The following CEP192 variants were observed in gnomAD, a reference collection of about 807,000 sequenced individuals.
CEP192 encodes the protein centrosomal protein of 192 kDa.
CEP192 carries 151 observed loss-of-function variants against 271.8 expected under a neutral mutation model. The ratio of observed to expected loss-of-function variants is 0.56; its 90% CI spans 0.49 to 0.64. CEP192 has a LOEUF of 0.64. CEP192 is among the 30% of genes least tolerant of loss of function. CEP192 has a pLI of 0.00. For synonymous variants in CEP192, 995 were observed against 1,076.5 expected, an observed-to-expected ratio of 0.92 and a Z score of 1.48; for missense variants, 2,910 against 3,020.5, an observed-to-expected ratio of 0.96 and a Z score of 0.86.
At chr18:13,011,762 AATCC>A (rs1473907265) in intron 4 of CEP192, among the ~76,000 whole-genome samples, 11 of 152,168 alleles carry the variant, frequency 7.2e-5, no homozygotes, top group Admixed American at 7.2e-4. Flanking sequence ...GATCTCAAGT[AATCC>A]ATCCACCTGC....
chr18:13,084,647 C>T (rs1021905224), intron 30 of CEP192, among the ~76,000 whole-genome samples: 21 of 152,138 alleles, frequency 1.4e-4, no homozygotes, highest in Non-Finnish European at 2.8e-4. Flanking sequence ...TCCAACCAGT[C>T]CCAGTGAGAT....
intron 1 of CEP192, among the ~76,000 whole-genome samples, chr18:12,994,582 G>T (rs1224435201): frequency 6.6e-6 from 1 of 152,118 alleles, no homozygotes; most frequent in Admixed American, 6.5e-5. Flanking sequence ...CTTTTCAGTA[G>T]GGTAAGGTGG....
intron 28 of CEP192, 150 bp from the exon 29 acceptor site, chr18:13,072,605 G>A (rs1006520143): frequency 4.0e-5 from 26 of 645,242 alleles, no homozygotes; most frequent in Non-Finnish European, 7.3e-5. Flanking sequence ...TAGAGCCTAG[G>A]ACTGTGGGGA....
intron 8 of CEP192, 79 bp downstream of exon 8, chr18:13,018,694 G>A: frequency 9.6e-7 from 1 of 1,047,022 alleles, no homozygotes; most frequent in Non-Finnish European, 1.3e-6. Flanking sequence ...ATATTTCTCT[G>A]GTATGATTTA....
chr18:13,103,410 G>T (rs1348683424), intron 38 of CEP192, 99 bp from the exon 39 acceptor site: 30 of 870,158 alleles, frequency 3.4e-5, no homozygotes, highest in Non-Finnish European at 4.8e-5. Context: ...AATGATTGGG[G>T]TTTTTTAACC....
At chr18:13,040,497 C>A (rs1333025427) in intron 13 of CEP192, among the ~76,000 whole-genome samples, 1 of 152,108 alleles carries the variant, frequency 6.6e-6, no homozygotes, top group African/African-American at 2.4e-5. Flanking sequence ...AATAAAGTAC[C>A]TTTATATTGT....
At chr18:13,025,205 A>G (rs1431216366) in intron 9 of CEP192, among the ~76,000 whole-genome samples, 1 of 151,720 alleles carries the variant, frequency 6.6e-6, no homozygotes, top group African/African-American at 2.4e-5. Flanking sequence ...GTTTTATTTT[A>G]AGAATATTAT....
At chr18:13,032,553 G>A (rs2035691852) in intron 11 of CEP192, among the ~76,000 whole-genome samples, 1 of 152,134 alleles carries the variant, frequency 6.6e-6, no homozygotes, top group Non-Finnish European at 1.5e-5. Flanking sequence ...GTGTAAATTG[G>A]TACAGCCATT....
chr18:13,103,991 TG>T, intron 39 of CEP192: 1 of 383,004 alleles, frequency 2.6e-6, no homozygotes, highest in South Asian at 1.9e-5. Flanking sequence ...CACCTGGCCT[TG>T]CTGGTTATTT....
chr18:13,079,861 C>G (rs2038496218), intron 30 of CEP192, among the ~76,000 whole-genome samples: 2 of 152,168 alleles, frequency 1.3e-5, no homozygotes, highest in Admixed American at 1.3e-4. Flanking sequence ...ATATGGCTAG[C>G]CAGTTTTCCC....
At chr18:13,060,618 C>T (rs1436437657) in intron 21 of CEP192, among the ~76,000 whole-genome samples, 1 of 152,148 alleles carries the variant, frequency 6.6e-6, no homozygotes, top group Non-Finnish European at 1.5e-5. Context: ...TAGCATGTGA[C>T]TTTAATTAAA....
intron 4 of CEP192, among the ~76,000 whole-genome samples, chr18:13,010,697 T>G (rs2034290910): frequency 6.6e-6 from 1 of 151,404 alleles, no homozygotes; most frequent in Non-Finnish European, 1.5e-5. Flanking sequence ...AAATACAAAA[T>G]TAGCCGGGCA....
Position 13,030,008 on chromosome 18 carries a change from T to A in CEP192, c.1390+6T>A. The A allele has an allele frequency of 6.6e-7, 1 of 1,525,260 alleles. No homozygotes were observed. The highest frequency in any genetic ancestry group is 1.2e-5 in the South Asian group (1 of 82,300). The allele number at this position is 1,525,260 out of a possible 1,614,324, so 94.5% of individuals were successfully genotyped here. A position where few individuals can be genotyped will look rare whatever the true frequency, so the allele number is the denominator to read the frequency against. On this transcript the variant is annotated splice_donor_region_variant and intron_variant, in intron 10 of 44. Coordinates refer to ENST00000506447, the MANE Select transcript of CEP192 (RefSeq NM_032142.4). ...CATCGAAAAGAATAAAGACAGTAAG[T>A]GGACTTTTTAAAAAATAGAGTGAAA...
rs767377201 is a variant in CEP192, at chr18:13,069,105, C to G, written c.4979C>G (p.Ala1660Gly). The G allele has an allele frequency of 9.9e-6, 16 of 1,614,102 alleles. No individual in the cohort carries two copies. The East Asian group carries it at 3.3e-4, about 34-fold the overall frequency. ...ATCCTCCAGACGATGCATTTCTTGG[C>G]CAAAGTGGCTTCCTCAAGAAAGCAG... The part of the protein sequence containing the change: ...PRDLQTMHFL[A>G]KVASSRKQHL... The change falls in exon 26 of 45, where the codon GCC (alanine) becomes GGC (glycine). Residue 1660 changes from alanine to glycine, a missense_variant. Ala to Gly is a moderately conservative substitution (Grantham distance 60). Coordinates refer to ENST00000506447, the MANE Select transcript of CEP192 (RefSeq NM_032142.4).
chr18:13,060,209 T>G (rs2037333740), intron 21 of CEP192, among the ~76,000 whole-genome samples: 1 of 152,228 alleles, frequency 6.6e-6, no homozygotes, highest in South Asian at 2.1e-4. Context: ...AGTCCATTGT[T>G]CCTAGGCTAT....
chr18:13,049,279 A>G lies in CEP192; in HGVS notation c.2488A>G (p.Thr830Ala), dbSNP rs745669072. Residue 830 changes from threonine (T) to alanine (A), a missense_variant, in exon 16 of 45, where the codon ACT becomes GCT. Transcript: ENST00000506447. ...QDIHPVDLSA[T>A]SVSVRAPEEN... ...CATTCATCCGGTGGACTTAAGTGCT[A>G]CTAGTGTAAGTGTGAGGGCACCAGA... 3.7e-6 allele frequency: 6 copies of G among 1,614,026 alleles called. No homozygotes were observed. The highest frequency in any genetic ancestry group is 3.3e-5 in the Admixed American group (2 of 60,010).
At chr18:13,024,316 T>C (rs909390987) in intron 9 of CEP192, 1 of 456,396 alleles carries the variant, frequency 2.2e-6, no homozygotes, top group African/African-American at 2.0e-5. Context: ...TATTCCTGCT[T>C]TCTTTTGACT....
intron 26 of CEP192, 92 bp from the exon 27 acceptor site, chr18:13,069,646 T>C: frequency 1.4e-6 from 1 of 735,976 alleles, no homozygotes. Context: ...CCTGTCCTGG[T>C]AAATGAGAAA....
In CEP192 at chr18:13,000,091, C is replaced by CTCTCTCTT. The variant is rs1555698196; in HGVS notation, c.164+504_164+505insCTCTCTTT. Among the ~76,000 whole-genome samples, 379 of 76,694 alleles carry CTCTCTCTT rather than the reference C, an allele frequency of 4.9e-3. 17 individuals carry two copies. Among genetic ancestry groups the CTCTCTCTT allele is most frequent in the African/African-American group, 0.015 (363 of 23,438 alleles). The allele number at this position is 76,694 out of a possible 152,430, so 50.3% of individuals were successfully genotyped here. On this transcript the variant is annotated intron_variant, in intron 2 of 44. Coordinates refer to ENST00000506447, the MANE Select transcript of CEP192 (RefSeq NM_032142.4). ...CTCTGTATAACTCATTGTCTTCTCTCTTTTTTTTTTTTTTTTTTTTTTTTT... is the reference window on the plus strand; with the variant it reads ...CTCTGTATAACTCATTGTCTTCTCTCTCTCTCTTTTTTTTTTTTTTTTTTTTTTTTTTT...
Sources: gnomAD v4.1 joint callset for allele counts (sites outside exome capture counted in the v4.1 genomes callset) on GRCh38, gnomAD v4.1.1 for gene constraint, MANE v1.5 for transcripts, NCBI Gene and HGNC (gene_info 2026-07-23, HGNC 2026-07-21) for gene names.